Variants in C8orf34 observed in about 807,000 individuals in gnomAD.
C8orf34 encodes the protein chromosome 8 open reading frame 34.
Under a neutral mutation model 68.3 loss-of-function variants are expected in C8orf34, and 65 were observed. The observed-to-expected ratio is 0.95, with a 90% CI of 0.78 to 1.17. The LOEUF is 1.17. C8orf34 is among the 50% of genes most tolerant of loss of function. The probability of loss-of-function intolerance (pLI) is 0.00; values close to 1 mark genes in which losing one functional copy is unlikely to be tolerated. For missense variants in C8orf34, 664 were observed against 655.4 expected (o/e 1.01, Z -0.14); for synonymous variants, 244 against 241.2 (o/e 1.01, Z -0.11).
At chr8:68,350,824 C>T (rs77239014) in intron 1 of C8orf34, among the ~76,000 whole-genome samples, 5,155 of 152,044 alleles carry the variant, frequency 0.034, 156 homozygotes, top group African/African-American at 0.082. Flanking sequence ...GATTTTCCTC[C>T]GTCCCTTTAT....
chr8:68,506,433 A>G (rs1425337147), intron 5 of C8orf34, among the ~76,000 whole-genome samples: 3 of 152,222 alleles, frequency 2.0e-5, no homozygotes, highest in African/African-American at 7.2e-5. Context: ...TCCTGAGTTT[A>G]AGCAATCATG....
chr8:68,354,729 G>C (rs1267661415), intron 1 of C8orf34, among the ~76,000 whole-genome samples: 2 of 152,088 alleles, frequency 1.3e-5, no homozygotes, highest in African/African-American at 4.8e-5. Flanking sequence ...TGATTACCAG[G>C]TATCTGCGGA....
At chr8:68,644,916 A>G (rs1819120343) in intron 8 of C8orf34, among the ~76,000 whole-genome samples, 1 of 152,200 alleles carries the variant, frequency 6.6e-6, no homozygotes, top group African/African-American at 2.4e-5. Flanking sequence ...GAAGACGCAG[A>G]TGAGAGGAGA....
chr8:68,426,180 C>T (rs1479114881), intron 1 of C8orf34, among the ~76,000 whole-genome samples: 1 of 151,652 alleles, frequency 6.6e-6, no homozygotes, highest in Non-Finnish European at 1.5e-5. Flanking sequence ...TAAATAAGAC[C>T]ACATCAAAAT....
intron 12 of C8orf34, among the ~76,000 whole-genome samples, chr8:68,804,770 A>T (rs1308347607): frequency 6.6e-6 from 1 of 152,132 alleles, no homozygotes; most frequent in Non-Finnish European, 1.5e-5. Flanking sequence ...CAAGAGTAAG[A>T]CCCTGCCTCA....
upstream of C8orf34, chr8:68,330,800 C>G (rs1805535193): frequency 2.1e-6 from 1 of 475,740 alleles, no homozygotes; most frequent in Non-Finnish European, 3.6e-6. Flanking sequence ...CACGGACACA[C>G]ACACACACGC....
intron 1 of C8orf34, among the ~76,000 whole-genome samples, chr8:68,386,959 T>C (rs772496391): frequency 2.0e-5 from 3 of 152,198 alleles, no homozygotes; most frequent in Admixed American, 6.5e-5. Context: ...AATTAATAAC[T>C]ACTGCTTTAG....
chr8:68,724,275 C>A (rs1259213543), intron 10 of C8orf34, among the ~76,000 whole-genome samples: 1 of 152,028 alleles, frequency 6.6e-6, no homozygotes, highest in Non-Finnish European at 1.5e-5. Flanking sequence ...AGAATTGGAA[C>A]AAAGAAACTC....
intron 7 of C8orf34, chr8:68,534,614 C>T (rs1176426952): frequency 2.0e-6 from 2 of 985,022 alleles, no homozygotes; most frequent in African/African-American, 3.5e-5. Context: ...TCCTGAAAAG[C>T]AAATAGATGT....
rs1815411855 is a variant in C8orf34, at chr8:68,535,197, T to C, written c.1105+2048T>C. Reference sequence around the variant, plus strand: ...GTCTATTTCAGAAAAATATAAATGCTAAGTTCTTGGAAATTTATGTGAAAT... The same window carrying C: ...GTCTATTTCAGAAAAATATAAATGCCAAGTTCTTGGAAATTTATGTGAAAT... On this transcript the variant is annotated intron_variant, in intron 7 of 13. Coordinates refer to ENST00000518698, the MANE Select transcript of C8orf34 (RefSeq NM_052958.4). 16 of 983,396 alleles carry C rather than the reference T, an allele frequency of 1.6e-5. No homozygotes were observed. The South Asian group carries it at 5.6e-4, about 35-fold the overall frequency. 60.9% of individuals were successfully genotyped at this position (983,396 alleles called of 1,614,324 possible).
chr8:68,547,523 TG>T (rs1406141644), intron 7 of C8orf34, among the ~76,000 whole-genome samples: 4 of 151,720 alleles, frequency 2.6e-5, no homozygotes, highest in Non-Finnish European at 4.4e-5. Context: ...CTTCTCGGAT[TG>T]TTTGAAAACC....
chr8:68,599,503 A>G (rs1284829504), intron 7 of C8orf34, among the ~76,000 whole-genome samples: 1 of 152,022 alleles, frequency 6.6e-6, no homozygotes, highest in Non-Finnish European at 1.5e-5. Flanking sequence ...TAAGAACATA[A>G]AAATAGGCCA....
intron 10 of C8orf34, among the ~76,000 whole-genome samples, chr8:68,775,166 T>C (rs1563662417): frequency 1.3e-5 from 2 of 151,874 alleles, no homozygotes; most frequent in Non-Finnish European, 2.9e-5. Context: ...CTACCCCTCT[T>C]GGCCTCAGTT....
intron 4 of C8orf34, among the ~76,000 whole-genome samples, chr8:68,474,831 C>T (rs948474534): frequency 2.0e-5 from 3 of 152,210 alleles, no homozygotes; most frequent in African/African-American, 4.8e-5. Flanking sequence ...CTATATTCTA[C>T]AGCTAACTAC....
chr8:68,366,468 G>C (rs1807261165), intron 1 of C8orf34, among the ~76,000 whole-genome samples: 1 of 144,284 alleles, frequency 6.9e-6, no homozygotes, highest in Non-Finnish European at 1.5e-5. Context: ...GAACAAAGCT[G>C]GAGGCATCAC....
chr8:68,784,000 T>C (rs948099599), intron 11 of C8orf34, among the ~76,000 whole-genome samples: 5 of 152,188 alleles, frequency 3.3e-5, no homozygotes, highest in Non-Finnish European at 7.3e-5. Context: ...TTTATGTTAG[T>C]ATGGGGCACT....
intron 7 of C8orf34, among the ~76,000 whole-genome samples, chr8:68,621,709 T>A (rs983170777): frequency 1.3e-5 from 2 of 152,190 alleles, no homozygotes; most frequent in African/African-American, 2.4e-5. Context: ...TTCTTCTATA[T>A]GTAAGTCTCA....
intron 7 of C8orf34, among the ~76,000 whole-genome samples, chr8:68,566,597 G>A (rs1410651556): frequency 6.6e-6 from 1 of 152,168 alleles, no homozygotes; most frequent in African/African-American, 2.4e-5. Context: ...TTCTTTAGCT[G>A]CTTCCTCATA....
chr8:68,686,131 TAA>T (rs1017522228), intron 8 of C8orf34, among the ~76,000 whole-genome samples: 1 of 151,456 alleles, frequency 6.6e-6, no homozygotes, highest in East Asian at 1.9e-4. Flanking sequence ...GAATCAGTAA[TAA>T]AAAAAGATTA....
Sources: gnomAD v4.1 joint callset for allele counts (sites outside exome capture counted in the v4.1 genomes callset) on GRCh38, gnomAD v4.1.1 for gene constraint, MANE v1.5 for transcripts, NCBI Gene and HGNC (gene_info 2026-07-23, HGNC 2026-07-21) for gene names.